CSMD3: variants seen among roughly 807,000 people sequenced by gnomAD.
The protein encoded by CSMD3 is CUB and Sushi multiple domains 3.
A neutral mutation model predicts 435.2 loss-of-function variants in CSMD3; 177 were observed. The ratio of observed to expected loss-of-function variants is 0.41; its 90% CI spans 0.36 to 0.46. The LOEUF is 0.46. CSMD3 is among the 20% of genes least tolerant of loss of function. CSMD3 has a pLI of 0.34. For missense variants in CSMD3, 4,265 were observed against 4,504.6 expected (o/e 0.95, Z 1.52); for synonymous variants, 1,656 against 1,520.5 (o/e 1.09, Z -2.07).
intron 34 of CSMD3, among the ~76,000 whole-genome samples, chr8:112,407,563 C>T (rs77908220): frequency 0.016 from 2,480 of 151,920 alleles, 33 homozygotes; most frequent in Admixed American, 0.025. Context: ...AGTCGTAATA[C>T]CACACATTGT....
chr8:113,357,533 A>G lies in CSMD3; in HGVS notation c.179-42740T>C, dbSNP rs1373240321. On this transcript the variant is annotated intron_variant, in intron 1 of 70. Coordinates refer to ENST00000297405, the MANE Select transcript of CSMD3 (RefSeq NM_198123.2). ...AAATGAAAGAAGTATAAAATAATTT[A>G]ATTCAATAAACACAACGTTGTTGTA... Among the ~76,000 whole-genome samples, 3 of 152,240 alleles carry G rather than the reference A, an allele frequency of 2.0e-5. No homozygotes were observed. The East Asian group carries it at 5.8e-4, about 29-fold the overall frequency.
intron 13 of CSMD3, among the ~76,000 whole-genome samples, chr8:112,755,909 G>GTTTTA (rs139913436): frequency 0.013 from 1,954 of 149,108 alleles, 41 homozygotes; most frequent in African/African-American, 0.044. Context: ...ATTTTATTTA[G>GTTTTA]TTTTATTTTA....
intron 8 of CSMD3, among the ~76,000 whole-genome samples, chr8:112,952,048 T>C (rs1441447795): frequency 2.0e-5 from 3 of 151,622 alleles, no homozygotes; most frequent in Admixed American, 6.6e-5. Context: ...ATAAAACCTG[T>C]TTACTTAATT....
chr8:112,978,961 T>C (rs1397392543), intron 6 of CSMD3, among the ~76,000 whole-genome samples: 1 of 151,938 alleles, frequency 6.6e-6, no homozygotes, highest in Admixed American at 6.6e-5. Context: ...ATTTCACAAA[T>C]GGAATATGAT....
At chr8:112,467,401 T>C (rs1214112698) in intron 32 of CSMD3, among the ~76,000 whole-genome samples, 2 of 152,310 alleles carry the variant, frequency 1.3e-5, no homozygotes, top group South Asian at 2.1e-4. Flanking sequence ...TCGACTATAC[T>C]GGATATCCTC....
intron 15 of CSMD3, 47 bp from the exon 16 acceptor site, chr8:112,682,683 C>T (rs1240677079): frequency 8.1e-7 from 1 of 1,233,928 alleles, no homozygotes; most frequent in Non-Finnish European, 1.2e-6. Flanking sequence ...ACAACATTAG[C>T]CAGAGAGAGA....
At chr8:112,607,620 G>T (rs1040658967) in intron 22 of CSMD3, among the ~76,000 whole-genome samples, 10 of 152,002 alleles carry the variant, frequency 6.6e-5, no homozygotes, top group Non-Finnish European at 1.5e-4. Flanking sequence ...CCATGATCAA[G>T]TTAGATTTAT....
chr8:112,658,419 T>C, intron 17 of CSMD3, among the ~76,000 whole-genome samples: 1 of 152,168 alleles, frequency 6.6e-6, no homozygotes, highest in Non-Finnish European at 1.5e-5. Context: ...TCTCTGATAT[T>C]ATTATGAACA....
chr8:112,673,173 TAA>T (rs540547458), intron 16 of CSMD3, among the ~76,000 whole-genome samples: 1 of 144,460 alleles, frequency 6.9e-6, no homozygotes. Flanking sequence ...TTTTGTTCCT[TAA>T]AAAAAAAAAC....
chr8:112,626,178 G>T (rs1020787798), intron 22 of CSMD3, among the ~76,000 whole-genome samples: 1 of 152,002 alleles, frequency 6.6e-6, no homozygotes, highest in African/African-American at 2.4e-5. Flanking sequence ...TAATATTTTC[G>T]TTAGGGACTG....
chr8:112,522,587 T>C (rs1229715567), intron 27 of CSMD3, among the ~76,000 whole-genome samples: 1 of 151,936 alleles, frequency 6.6e-6, no homozygotes, highest in Admixed American at 6.6e-5. Context: ...AATAAATGAA[T>C]GAACAAAACT....
At chr8:112,270,135 C>G (rs1314768266) in intron 59 of CSMD3, among the ~76,000 whole-genome samples, 1 of 152,152 alleles carries the variant, frequency 6.6e-6, no homozygotes, top group Non-Finnish European at 1.5e-5. Flanking sequence ...GGTTGAATAA[C>G]AGCAGGTAGA....
At chr8:112,411,823 G>A (rs556641180) in intron 32 of CSMD3, among the ~76,000 whole-genome samples, 6 of 152,136 alleles carry the variant, frequency 3.9e-5, no homozygotes, top group African/African-American at 1.4e-4. Flanking sequence ...AATAGCCAAA[G>A]GTATTTGCCT....
At chr8:112,826,686 C>T (rs537102658) in intron 12 of CSMD3, among the ~76,000 whole-genome samples, 185 of 152,240 alleles carry the variant, frequency 1.2e-3, no homozygotes, top group Admixed American at 3.5e-3. Flanking sequence ...CTGGATATCT[C>T]GATTGCCAGT....
chr8:113,245,846 C>G (rs1429078496), intron 3 of CSMD3, among the ~76,000 whole-genome samples: 1 of 151,896 alleles, frequency 6.6e-6, no homozygotes, highest in Non-Finnish European at 1.5e-5. Context: ...TTTTGGCATA[C>G]CTGGAAATGT....
chr8:112,785,639 A>C (rs561395404), intron 13 of CSMD3, among the ~76,000 whole-genome samples: 2 of 152,212 alleles, frequency 1.3e-5, no homozygotes, highest in Middle Eastern at 3.4e-3. Context: ...AATCAAGACA[A>C]GTGAACAATC....
chr8:113,157,105 G>C (rs893206591), intron 4 of CSMD3, among the ~76,000 whole-genome samples: 3 of 152,076 alleles, frequency 2.0e-5, no homozygotes, highest in African/African-American at 7.2e-5. Context: ...CTGCTGAACT[G>C]TTGGTAGGAA....
At chr8:112,820,801 C>T (rs1237206591) in intron 12 of CSMD3, among the ~76,000 whole-genome samples, 2 of 152,100 alleles carry the variant, frequency 1.3e-5, no homozygotes, top group Non-Finnish European at 2.9e-5. Context: ...TAATGCTCTT[C>T]TCTCTTCCTC....
chr8:113,415,009 T>C (rs2094575871), intron 1 of CSMD3, among the ~76,000 whole-genome samples: 1 of 151,978 alleles, frequency 6.6e-6, no homozygotes, highest in Non-Finnish European at 1.5e-5. Flanking sequence ...AAAATCCTAC[T>C]GATTACTGAT....
Sources: allele counts gnomAD v4.1 joint callset (sites outside exome capture counted in the v4.1 genomes callset), GRCh38; gene constraint gnomAD v4.1.1; transcripts MANE v1.5; gene names NCBI Gene and HGNC (gene_info 2026-07-23, HGNC 2026-07-21).